PRKN: variants seen among roughly 807,000 people sequenced by gnomAD.
PRKN encodes the protein E3 ubiquitin-protein ligase parkin.
Under a neutral mutation model 59.5 loss-of-function variants are expected in PRKN, and 56 were observed. The ratio of observed to expected loss-of-function variants is 0.94; its 90% confidence interval spans 0.76 to 1.18. PRKN has a LOEUF of 1.18. Among genes scored for constraint, PRKN ranks in the 50% most tolerant of loss-of-function variants. PRKN has a pLI of 0.00. For missense variants in PRKN, 657 were observed against 596.4 expected (o/e 1.10, Z -1.06); for synonymous variants, 250 against 222.1 (o/e 1.13, Z -1.12).
intron 4 of PRKN, among the ~76,000 whole-genome samples, chr6:162,085,172 C>T (rs746042752): frequency 6.7e-6 from 1 of 148,246 alleles, no homozygotes; most frequent in African/African-American, 2.5e-5. Context: ...TTTAAAAAAC[C>T]CTACATAGGC....
At chr6:162,529,264 A>C (rs954268546) in intron 1 of PRKN, among the ~76,000 whole-genome samples, 5 of 128,840 alleles carry the variant, frequency 3.9e-5, no homozygotes, top group African/African-American at 1.2e-4. Context: ...TGAATGTATA[A>C]AAATACTTCA....
intron 2 of PRKN, among the ~76,000 whole-genome samples, chr6:162,356,921 A>G (rs1263182306): frequency 1.3e-5 from 2 of 152,158 alleles, no homozygotes; most frequent in African/African-American, 4.8e-5. Flanking sequence ...AGCCATCCAC[A>G]TGCAAAAAAT....
At chr6:162,251,820 T>G (rs781497209) in intron 3 of PRKN, among the ~76,000 whole-genome samples, 99 of 152,316 alleles carry the variant, frequency 6.5e-4, no homozygotes, top group Middle Eastern at 6.8e-3. Flanking sequence ...ATTCTCAACA[T>G]CATCTTCAAT....
intron 7 of PRKN, among the ~76,000 whole-genome samples, chr6:161,718,334 C>T (rs76711297): frequency 0.11 from 16,092 of 151,998 alleles, 1,083 homozygotes; most frequent in African/African-American, 0.18. Context: ...CACTAAACAT[C>T]ATTCGCCTAA....
intron 1 of PRKN, among the ~76,000 whole-genome samples, chr6:162,491,830 G>A (rs966385054): frequency 6.6e-6 from 1 of 152,214 alleles, no homozygotes; most frequent in African/African-American, 2.4e-5. Flanking sequence ...TAACATGCCA[G>A]TGGCTAGAAC....
At chr6:161,887,862 A>T (rs758226614) in intron 6 of PRKN, among the ~76,000 whole-genome samples, 1 of 152,178 alleles carries the variant, frequency 6.6e-6, no homozygotes, top group Non-Finnish European at 1.5e-5. Context: ...CTTTTTTATA[A>T]AAGGAAGTTG....
Position 161,357,707 on chromosome 6 carries a change from A to C in PRKN, c.1285+2381T>G, listed in dbSNP as rs1022244399. ...TTCTTCTGATTCTATTTTTTCCCAC[A>C]CACACATTTGTTTCAAAACAGACAT... On this transcript the variant is annotated intron_variant, in intron 11 of 11. Coordinates refer to ENST00000366898, the MANE Select transcript of PRKN (RefSeq NM_004562.3). The surrounding 1 kb of genome is among the most constrained non-coding windows in gnomAD (Gnocchi z 5.5). 6.6e-6 allele frequency among the ~76,000 whole-genome samples: 1 copy of C among 152,208 alleles called. No homozygotes were observed. Among genetic ancestry groups the C allele is most frequent in the South Asian group, 2.1e-4 (1 of 4,836 alleles).
intron 8 of PRKN, among the ~76,000 whole-genome samples, chr6:161,555,847 C>T (rs1562523870): frequency 6.6e-6 from 1 of 152,074 alleles, no homozygotes; most frequent in African/African-American, 2.4e-5. Context: ...CATTAAGTGA[C>T]AATTAATTAA....
At position 161,354,890 on chromosome 6, in the gene PRKN, G is replaced by A. The variant is rs557872817; in HGVS notation, c.1286-4679C>T. On this transcript the variant is annotated intron_variant, in intron 11 of 11. Coordinates refer to ENST00000366898, the MANE Select transcript of PRKN (RefSeq NM_004562.3). The surrounding 1 kb of genome is among the most constrained non-coding windows in gnomAD (Gnocchi z 6.7). ...TCACAATATTTCCAAGAAATAGCCC[G>A]ACAGGGAGAAACTTTCCTACAGTCA... Among the ~76,000 whole-genome samples, 8 of 152,304 alleles carry A rather than the reference G, an allele frequency of 5.3e-5. No individual in the cohort carries two copies. In the South Asian group the frequency reaches 8.3e-4, roughly 16 times the overall value.
chr6:162,425,346 A>G (rs12192429), intron 2 of PRKN, among the ~76,000 whole-genome samples: 36,054 of 152,112 alleles, frequency 0.24, 4,289 homozygotes, highest in African/African-American at 0.24. Context: ...ATTCTAACAC[A>G]GAAACCTTGT....
intron 3 of PRKN, among the ~76,000 whole-genome samples, chr6:162,238,443 G>C (rs908842375): frequency 2.0e-5 from 3 of 152,148 alleles, no homozygotes; most frequent in African/African-American, 7.2e-5. Context: ...AGTGACACGT[G>C]ACTATACATA....
intron 3 of PRKN, among the ~76,000 whole-genome samples, chr6:162,219,506 T>G (rs1777842342): frequency 6.6e-6 from 1 of 152,134 alleles, no homozygotes; most frequent in South Asian, 2.1e-4. Context: ...AGATGATTTT[T>G]ATTCAGAATG....
At chr6:161,655,429 A>G (rs1364946111) in intron 7 of PRKN, among the ~76,000 whole-genome samples, 3 of 121,282 alleles carry the variant, frequency 2.5e-5, no homozygotes, top group Admixed American at 8.1e-5. Flanking sequence ...GGCTCTCACC[A>G]CCATTGGCAC....
intron 1 of PRKN, among the ~76,000 whole-genome samples, chr6:162,576,589 A>G (rs2128210112): frequency 6.6e-6 from 1 of 152,256 alleles, no homozygotes; most frequent in South Asian, 2.1e-4. Flanking sequence ...AGGTGGGTGG[A>G]GTATTTGAGG....
chr6:162,702,015 C>CA (rs1002188894), intron 1 of PRKN, among the ~76,000 whole-genome samples: 1 of 151,870 alleles, frequency 6.6e-6, no homozygotes, highest in Non-Finnish European at 1.5e-5. Flanking sequence ...AATCAAAATA[C>CA]AAAAAACAAT....
chr6:161,836,974 C>T (rs188258991), intron 6 of PRKN, among the ~76,000 whole-genome samples: 1 of 152,296 alleles, frequency 6.6e-6, no homozygotes, highest in Non-Finnish European at 1.5e-5. Flanking sequence ...TTATGCCTCT[C>T]GTTTTCGCTC....
chr6:161,433,187 T>A (rs1273036615), intron 9 of PRKN, among the ~76,000 whole-genome samples: 2 of 152,212 alleles, frequency 1.3e-5, no homozygotes, highest in Non-Finnish European at 2.9e-5. Flanking sequence ...CCTATTTATA[T>A]GAACAAAGTT....
In PRKN at chr6:162,526,107, T is replaced by A. The variant is rs192713833; in HGVS notation, c.8-82634A>T. Among the ~76,000 whole-genome samples the A allele has an allele frequency of 4.7e-4, 72 of 152,212 alleles. 1 individual carries two copies. In the East Asian group the frequency reaches 9.3e-3, roughly 20 times the overall value. ...ATCCGCCTGCCTTGGCCTCCCAAAGTGCAGGGATTACAGGCATGAGCCACT... is the reference window on the plus strand; with the variant it reads ...ATCCGCCTGCCTTGGCCTCCCAAAGAGCAGGGATTACAGGCATGAGCCACT... On this transcript the variant is annotated intron_variant, in intron 1 of 11. Transcript: ENST00000366898.
intron 1 of PRKN, among the ~76,000 whole-genome samples, chr6:162,726,846 T>C (rs967302211): frequency 1.3e-5 from 2 of 152,158 alleles, no homozygotes; most frequent in African/African-American, 2.4e-5. Context: ...ATATGGTGCA[T>C]TTCCATTAAT....
Sources: gnomAD v4.1 joint callset for allele counts (sites outside exome capture counted in the v4.1 genomes callset) on GRCh38, gnomAD v4.1.1 for gene constraint, Gnocchi (gnomAD v3.1) non-coding constraint, MANE v1.5 for transcripts, NCBI Gene and HGNC (gene_info 2026-07-23, HGNC 2026-07-21) for gene names.